Variants in RPS6KC1 observed in about 807,000 individuals in gnomAD.
RPS6KC1 encodes ribosomal protein S6 kinase C1, also known as inactive ribosomal protein S6 kinase delta-1.
In RPS6KC1, 54 loss-of-function variants were observed where a neutral mutation model predicts 103.8. That is an observed-to-expected ratio of 0.52 (90% confidence interval 0.42 to 0.65). The LOEUF (loss-of-function observed/expected upper bound fraction) is 0.65, where lower values mean the gene tolerates loss of function less well. Among genes scored for constraint, RPS6KC1 ranks in the 30% least tolerant of loss-of-function variants. RPS6KC1 has a pLI of 0.00. For missense variants in RPS6KC1, 1,151 were observed against 1,253.8 expected (o/e 0.92, Z 1.24); for synonymous variants, 439 against 438.7 (o/e 1.00, Z -0.01).
At chr1:213,183,343 T>C (rs1256409148) in intron 8 of RPS6KC1, among the ~76,000 whole-genome samples, 2 of 152,126 alleles carry the variant, frequency 1.3e-5, no homozygotes, top group East Asian at 3.8e-4. Context: ...ACACTCTACC[T>C]AAGAACAGCA....
the RPS6KC1 span, among the ~76,000 whole-genome samples, chr1:213,587,239 G>T: frequency 6.6e-6 from 1 of 152,180 alleles, no homozygotes; most frequent in African/African-American, 2.4e-5. Flanking sequence ...TAGATCTGCG[G>T]TGGGGGCCAG....
At chr1:213,824,062 C>G in the RPS6KC1 span, among the ~76,000 whole-genome samples, 1 of 152,142 alleles carries the variant, frequency 6.6e-6, no homozygotes, top group Non-Finnish European at 1.5e-5. Flanking sequence ...TACTGTCCCC[C>G]CTGTCCAGAT....
chr1:213,146,619 G>T (rs1025869687), intron 6 of RPS6KC1, among the ~76,000 whole-genome samples: 3 of 151,792 alleles, frequency 2.0e-5, no homozygotes, highest in Non-Finnish European at 2.9e-5. Flanking sequence ...TAGAGACGGG[G>T]TTTCTCTGTG....
At chr1:213,515,015 C>CTT in the RPS6KC1 span, among the ~76,000 whole-genome samples, 275 of 152,334 alleles carry the variant, frequency 1.8e-3, 2 homozygotes, top group African/African-American at 6.2e-3. Context: ...CTTTTGGCTG[C>CTT]ATAAATGTCT....
chr1:213,754,536 G>A, the RPS6KC1 span, among the ~76,000 whole-genome samples: 1 of 152,098 alleles, frequency 6.6e-6, no homozygotes, highest in African/African-American at 2.4e-5. Context: ...CAAGAGATCT[G>A]GTTGTTTTAA....
the RPS6KC1 span, among the ~76,000 whole-genome samples, chr1:213,359,843 TG>T: frequency 6.6e-6 from 1 of 152,236 alleles, no homozygotes; most frequent in African/African-American, 2.4e-5. Flanking sequence ...TATGAAATTC[TG>T]GGTTGAAAAT....
chr1:213,245,224 T>C (rs2094435447), intron 12 of RPS6KC1, among the ~76,000 whole-genome samples: 1 of 152,170 alleles, frequency 6.6e-6, no homozygotes, highest in Non-Finnish European at 1.5e-5. Flanking sequence ...GGTTTTCCTC[T>C]CCTCAAAGGA....
At chr1:213,541,815 G>A in the RPS6KC1 span, among the ~76,000 whole-genome samples, 1 of 152,188 alleles carries the variant, frequency 6.6e-6, no homozygotes, top group Non-Finnish European at 1.5e-5. Context: ...CAGATGGCAT[G>A]AAAGGGAGGG....
the RPS6KC1 span, among the ~76,000 whole-genome samples, chr1:213,646,100 T>A: frequency 3.9e-5 from 6 of 152,292 alleles, no homozygotes; most frequent in African/African-American, 1.4e-4. Context: ...GTTGTGTATA[T>A]TTTAAAGCAA....
At chr1:213,174,613 T>C (rs1040448893) in intron 7 of RPS6KC1, among the ~76,000 whole-genome samples, 1 of 137,048 alleles carries the variant, frequency 7.3e-6, no homozygotes, top group African/African-American at 2.8e-5. Context: ...GAGGTTGCAG[T>C]GAGCCAAGAT....
At chr1:213,544,352 C>T in the RPS6KC1 span, among the ~76,000 whole-genome samples, 1 of 152,142 alleles carries the variant, frequency 6.6e-6, no homozygotes, top group Non-Finnish European at 1.5e-5. Flanking sequence ...ATGATTACAG[C>T]TCTAGCAATA....
chr1:213,289,909 C>T, the RPS6KC1 span, among the ~76,000 whole-genome samples: 3 of 151,874 alleles, frequency 2.0e-5, no homozygotes, highest in African/African-American at 4.8e-5. Flanking sequence ...CGTGGTGGCG[C>T]GTGCCTGTGA....
chr1:213,480,169 C>T, the RPS6KC1 span, among the ~76,000 whole-genome samples: 1 of 151,960 alleles, frequency 6.6e-6, no homozygotes, highest in Non-Finnish European at 1.5e-5. Flanking sequence ...ATTGGAATTA[C>T]ATTGAATTTA....
chr1:213,132,687 A>G (rs1317630850), intron 6 of RPS6KC1, among the ~76,000 whole-genome samples: 2 of 152,234 alleles, frequency 1.3e-5, no homozygotes, highest in African/African-American at 4.8e-5. Context: ...TATAGCCAGT[A>G]AAACGTATGA....
chr1:213,107,185 G>T (rs374235286), intron 4 of RPS6KC1, among the ~76,000 whole-genome samples: 8 of 151,974 alleles, frequency 5.3e-5, no homozygotes, highest in African/African-American at 7.2e-5. Flanking sequence ...CAAGTGATCC[G>T]CCTGCTTCAG....
At chr1:213,239,975 T>A (rs1206602447) in intron 10 of RPS6KC1, among the ~76,000 whole-genome samples, 1 of 152,116 alleles carries the variant, frequency 6.6e-6, no homozygotes, top group African/African-American at 2.4e-5. Context: ...AATACTGGAT[T>A]TTTTTTATTT....
the RPS6KC1 span, among the ~76,000 whole-genome samples, chr1:213,793,865 T>G: frequency 6.6e-6 from 1 of 151,582 alleles, no homozygotes; most frequent in African/African-American, 2.4e-5. Context: ...GCGGAAAGGG[T>G]TTTTTTGTGT....
chr1:213,729,195 G>C, the RPS6KC1 span, among the ~76,000 whole-genome samples: 1 of 152,076 alleles, frequency 6.6e-6, no homozygotes, highest in African/African-American at 2.4e-5. Context: ...CTAGGAGCCA[G>C]AGTCAGCATG....
At chr1:213,370,239 T>C in the RPS6KC1 span, among the ~76,000 whole-genome samples, 2 of 148,870 alleles carry the variant, frequency 1.3e-5, no homozygotes, top group Non-Finnish European at 3.0e-5. Flanking sequence ...TTCTCTGTTA[T>C]TTTATTTTAT....
Sources: gnomAD v4.1 joint callset for allele counts (sites outside exome capture counted in the v4.1 genomes callset) on GRCh38, gnomAD v4.1.1 for gene constraint, MANE v1.5 for transcripts, NCBI Gene and HGNC (gene_info 2026-07-23, HGNC 2026-07-21) for gene names.